DHX35: variants seen among roughly 807,000 people sequenced by gnomAD.
DHX35 encodes the protein DEAH-box helicase 35, also known as probable ATP-dependent RNA helicase DHX35.
DHX35 carries 84 observed loss-of-function variants against 99.6 expected under a neutral mutation model. The ratio of observed to expected loss-of-function variants is 0.84; its 90% CI spans 0.71 to 1.01. The LOEUF (loss-of-function observed/expected upper bound fraction) is 1.01. DHX35 is among the 50% of genes least tolerant of loss of function. The pLI is 0.00. For missense variants in DHX35, 852 were observed against 888.5 expected (o/e 0.96, Z 0.52); for synonymous variants, 331 against 316.2 (o/e 1.05, Z -0.50).
At position 38,976,307 on chromosome 20, in the gene DHX35, A is replaced by T. The variant is rs115239299; in HGVS notation, c.267+3656A>T. Reference sequence around the variant, plus strand: ...TCAGTATTATGAGTTTCTTGGTAGAAATTTTTTCATGCATTTACAGAGAAG... The same window carrying T: ...TCAGTATTATGAGTTTCTTGGTAGATATTTTTTCATGCATTTACAGAGAAG... On this transcript the variant is annotated intron_variant, in intron 3 of 21. Coordinates refer to ENST00000252011, the MANE Select transcript of DHX35 (RefSeq NM_021931.4). Among the ~76,000 whole-genome samples, 1,199 of 150,712 alleles carry T rather than the reference A, an allele frequency of 8.0e-3. 18 individuals carry two copies. Among genetic ancestry groups the T allele is most frequent in the African/African-American group, 0.026 (1,061 of 40,818 alleles).
chr20:38,998,853 A>G (rs879837007), intron 8 of DHX35, among the ~76,000 whole-genome samples: 2 of 152,096 alleles, frequency 1.3e-5, no homozygotes, highest in East Asian at 3.9e-4. Flanking sequence ...CTGGTGTGCA[A>G]TGGAGTGATC....
intron 1 of DHX35, among the ~76,000 whole-genome samples, chr20:38,965,836 A>T (rs950932655): frequency 3.9e-5 from 6 of 152,316 alleles, no homozygotes; most frequent in Admixed American, 2.6e-4. Context: ...GTACACGTGG[A>T]TCCGAAGGGC....
chr20:39,037,180 AT>A (rs1156302071), intron 21 of DHX35, among the ~76,000 whole-genome samples: 11 of 152,216 alleles, frequency 7.2e-5, no homozygotes, highest in African/African-American at 2.7e-4. Context: ...AAGGCCGTGG[AT>A]ATCTAACATT....
At chr20:39,032,913 A>G (rs1022499763) in intron 20 of DHX35, among the ~76,000 whole-genome samples, 2 of 152,196 alleles carry the variant, frequency 1.3e-5, no homozygotes, top group Non-Finnish European at 2.9e-5. Flanking sequence ...AATGTTACCC[A>G]GTGACCACAC....
intron 4 of DHX35, among the ~76,000 whole-genome samples, chr20:38,984,679 C>T (rs753366374): frequency 1.2e-4 from 18 of 152,152 alleles, no homozygotes; most frequent in Non-Finnish European, 2.1e-4. Context: ...CTTCTTTCCA[C>T]CTTCCCTTTC....
intron 12 of DHX35, among the ~76,000 whole-genome samples, chr20:39,006,586 C>A (rs888947848): frequency 6.6e-6 from 1 of 152,216 alleles, no homozygotes; most frequent in Non-Finnish European, 1.5e-5. Context: ...TATTTGCTAT[C>A]CTGTTCTAAC....
Position 39,034,197 on chromosome 20 carries a change from T to C in DHX35, c.1956-9T>C, listed in dbSNP as rs543995147. On this transcript the variant is annotated splice_polypyrimidine_tract_variant and intron_variant, in intron 20 of 21. Coordinates refer to ENST00000252011, the MANE Select transcript of DHX35 (RefSeq NM_021931.4). Reference sequence around the variant, plus strand: ...GGGGAAATTAGCTCATGTTTCTTTCTCATTTCAGGGTCATCTATAACGAAG... The same window carrying C: ...GGGGAAATTAGCTCATGTTTCTTTCCCATTTCAGGGTCATCTATAACGAAG... The C allele has an allele frequency of 6.2e-7, 1 of 1,602,592 alleles. No individual in the cohort carries two copies. Among genetic ancestry groups the C allele is most frequent in the African/African-American group, 1.3e-5 (1 of 74,824 alleles).
At chr20:38,990,190 A>G (rs1229630546) in intron 5 of DHX35, among the ~76,000 whole-genome samples, 1 of 152,230 alleles carries the variant, frequency 6.6e-6, no homozygotes, top group Non-Finnish European at 1.5e-5. Flanking sequence ...CACAATTTCA[A>G]GGTGCTCAGT....
intron 5 of DHX35, among the ~76,000 whole-genome samples, 160 bp from the exon 6 acceptor site, chr20:38,991,294 C>A (rs1407068729): frequency 2.0e-5 from 3 of 152,204 alleles, no homozygotes; most frequent in African/African-American, 4.8e-5. Context: ...TGAACAATTA[C>A]ATTGCTTGAT....
intron 21 of DHX35, 105 bp downstream of exon 21, chr20:39,034,422 A>G (rs988604395): frequency 4.1e-5 from 36 of 876,980 alleles, no homozygotes; most frequent in Non-Finnish European, 6.0e-5. Flanking sequence ...TGTTCCCCCT[A>G]GGGGTGCATA....
rs748224934 is a variant in DHX35 at position 39,028,462 on chromosome 20, G to T, written c.1846G>T (p.Ala616Ser). ...GAGGTGCATTGTCTCCGGCTTCTTC[G>T]CCAATGCAGCGAGGTTTCATTCTAC... ...VLRCIVSGFF[A>S]NAARFHSTGA... Residue 616 changes from alanine to serine, a missense_variant, in exon 19 of 22, where the codon GCC becomes TCC. Transcript: ENST00000252011. The T allele has an allele frequency of 6.2e-7, 1 of 1,614,078 alleles. No homozygotes were observed. Among genetic ancestry groups the T allele is most frequent in the African/African-American group, 1.3e-5 (1 of 74,912 alleles).
chr20:39,006,383 T>A, intron 12 of DHX35, 27 bp downstream of exon 12: 1 of 1,607,468 alleles, frequency 6.2e-7, no homozygotes, highest in Non-Finnish European at 8.5e-7. Flanking sequence ...CTAAGGGTTT[T>A]TGACTTTCTT....
intron 18 of DHX35, among the ~76,000 whole-genome samples, chr20:39,028,161 G>A (rs1165618111): frequency 2.0e-5 from 3 of 152,192 alleles, no homozygotes; most frequent in Non-Finnish European, 4.4e-5. Context: ...GCTTAGGGGA[G>A]GTTGGAGGGG....
chr20:39,038,652 T>G lies in DHX35; in HGVS notation c.*109T>G. 8.3e-7 allele frequency: 1 copy of G among 1,208,026 alleles called. No homozygotes were observed. Among genetic ancestry groups the G allele is most frequent in the Non-Finnish European group, 1.2e-6 (1 of 850,748 alleles). The allele number at this position is 1,208,026 out of a possible 1,614,324, so 74.8% of individuals were successfully genotyped here. A position where few individuals can be genotyped will look rare whatever the true frequency, so the allele number is the denominator to read the frequency against. On this transcript the variant is annotated 3_prime_UTR_variant, in exon 22 of 22. Transcript: ENST00000252011. ...GCACCAGCTCCTGTGGAATGTTTGG[T>G]TGCTCTGAAGTGGGCTGCGGCCTGT...
chr20:38,993,263 A>G (rs61213966), intron 7 of DHX35, among the ~76,000 whole-genome samples: 24,775 of 152,304 alleles, frequency 0.16, 2,172 homozygotes, highest in Middle Eastern at 0.31. Flanking sequence ...GGTAGCCACT[A>G]GCCACCTGTA....
At position 39,018,822 on chromosome 20, in the gene DHX35, G is replaced by A. The variant is rs552753338; in HGVS notation, c.1421G>A (p.Arg474His). 1.1e-5 allele frequency: 17 copies of A among 1,613,766 alleles called. No homozygotes were observed. Among genetic ancestry groups the A allele is most frequent in the African/African-American group, 6.7e-5 (5 of 74,968 alleles). Residue 474 changes from arginine (R) to histidine (H), a missense_variant, in exon 15 of 22, where the codon CGC becomes CAC. Coordinates refer to ENST00000252011, the MANE Select transcript of DHX35 (RefSeq NM_021931.4). ...ATGGCAGGTCTGGACAAAGACTGTCGCCTAACTGAACCGCTTGGCATGAGA... is the reference window on the plus strand; with the variant it reads ...ATGGCAGGTCTGGACAAAGACTGTCACCTAACTGAACCGCTTGGCATGAGA... ...YALGGLDKDC[R>H]LTEPLGMRIA... is the part of the protein sequence containing the mutation.
intron 3 of DHX35, among the ~76,000 whole-genome samples, chr20:38,976,119 C>G (rs1169134740): frequency 7.3e-6 from 1 of 137,622 alleles, no homozygotes; most frequent in African/African-American, 2.9e-5. Context: ...TGTGGGCAAA[C>G]AAAGGTAGTT....
intron 3 of DHX35, among the ~76,000 whole-genome samples, chr20:38,975,093 T>C (rs2086056694): frequency 6.9e-6 from 1 of 144,634 alleles, no homozygotes; most frequent in African/African-American, 2.6e-5. Context: ...ATCTTTTTTT[T>C]TGTCTGCTCC....
intron 2 of DHX35, among the ~76,000 whole-genome samples, chr20:38,971,276 C>T (rs1350664876): frequency 2.6e-5 from 4 of 152,112 alleles, no homozygotes; most frequent in Non-Finnish European, 5.9e-5. Flanking sequence ...ACTCTTGAAC[C>T]CGGGAGGTGG....
Sources: gnomAD v4.1 joint callset for allele counts (sites outside exome capture counted in the v4.1 genomes callset) on GRCh38, gnomAD v4.1.1 for gene constraint, MANE v1.5 for transcripts, NCBI Gene and HGNC (gene_info 2026-07-23, HGNC 2026-07-21) for gene names.